PRKAG2: variants seen among roughly 807,000 people sequenced by gnomAD.
PRKAG2 encodes 5'-AMP-activated protein kinase subunit gamma-2.
Under a neutral mutation model 69.6 loss-of-function variants are expected in PRKAG2, and 26 were observed. That is an observed-to-expected ratio of 0.37 (90% CI 0.27 to 0.52). The LOEUF (loss-of-function observed/expected upper bound fraction) is 0.52. Among genes scored for constraint, PRKAG2 ranks in the 20% least tolerant of loss-of-function variants. The probability of loss-of-function intolerance (pLI) is 0.90; values close to 1 mark genes in which losing one functional copy is unlikely to be tolerated. For missense variants in PRKAG2, 557 were observed against 740.0 expected (o/e 0.75, Z 2.87); for synonymous variants, 293 against 285.0 (o/e 1.03, Z -0.28).
chr7:151,587,414 A>G (rs1230668433), intron 6 of PRKAG2, among the ~76,000 whole-genome samples: 2 of 152,122 alleles, frequency 1.3e-5, no homozygotes, highest in South Asian at 2.1e-4. Context: ...GTCACTCCCC[A>G]TGGCTAAGTG....
In PRKAG2 at chr7:151,569,814, A is replaced by C. The variant is rs114864927; in HGVS notation, c.1106+357T>G. 7.5e-3 allele frequency among the ~76,000 whole-genome samples: 1,148 copies of C among 152,294 alleles called. 18 individuals are homozygous for C. Among genetic ancestry groups the C allele is most frequent in the African/African-American group, 0.026 (1,063 of 41,562 alleles). On this transcript the variant is annotated intron_variant, in intron 10 of 15. Transcript: ENST00000287878. The stretch of plus-strand genomic sequence containing the variant: ...CACTGATGTTTAAACGCTAGTGTGG[A>C]GCAGAATTGCCAAGGGAGTTGTTTA...
At chr7:151,558,008 A>G (rs903267498) in intron 15 of PRKAG2, 15 of 985,006 alleles carry the variant, frequency 1.5e-5, no homozygotes, top group African/African-American at 1.7e-5. Flanking sequence ...TTCTCATCAC[A>G]GGAGCTTCTC....
chr7:151,766,803 C>A (rs952042062), intron 3 of PRKAG2, among the ~76,000 whole-genome samples: 1 of 152,234 alleles, frequency 6.6e-6, no homozygotes, highest in African/African-American at 2.4e-5. Flanking sequence ...TCATCTTTCT[C>A]CAACTCTGTC....
chr7:151,779,302 C>A (rs979898483), intron 3 of PRKAG2, among the ~76,000 whole-genome samples: 2 of 152,210 alleles, frequency 1.3e-5, no homozygotes, highest in African/African-American at 4.8e-5. Context: ...GCAGCCTAGG[C>A]CCTGAGGACT....
At chr7:151,709,540 G>A (rs1245941784) in intron 3 of PRKAG2, among the ~76,000 whole-genome samples, 1 of 152,162 alleles carries the variant, frequency 6.6e-6, no homozygotes, top group African/African-American at 2.4e-5. Flanking sequence ...GTGACATGGT[G>A]ACATTGAGTG....
chr7:151,613,805 ATT>A (rs372668253), intron 5 of PRKAG2, among the ~76,000 whole-genome samples: 33,659 of 114,360 alleles, frequency 0.29, 4,093 homozygotes, highest in Middle Eastern at 0.38. Flanking sequence ...AGTCCCAAGC[ATT>A]TTTTTTTTTT....
chr7:151,876,432 G>C (rs2080407078), intron 1 of PRKAG2, 75 bp downstream of exon 1: 1 of 1,432,138 alleles, frequency 7.0e-7, no homozygotes, highest in Non-Finnish European at 9.7e-7. Context: ...GGGGCGTCCA[G>C]CGTTAACCGC....
chr7:151,724,436 T>C (rs968671162), intron 3 of PRKAG2, among the ~76,000 whole-genome samples: 1 of 151,968 alleles, frequency 6.6e-6, no homozygotes, highest in Non-Finnish European at 1.5e-5. Context: ...CCTGCTCCCG[T>C]CCTCCCCTCC....
chr7:151,701,111 T>G (rs1324879850), intron 3 of PRKAG2, among the ~76,000 whole-genome samples: 1 of 152,138 alleles, frequency 6.6e-6, no homozygotes, highest in Non-Finnish European at 1.5e-5. Context: ...CCTCAGGGGC[T>G]GCCCCCCAGG....
At chr7:151,841,093 A>G (rs943623171) in intron 1 of PRKAG2, among the ~76,000 whole-genome samples, 18 of 152,216 alleles carry the variant, frequency 1.2e-4, no homozygotes, top group African/African-American at 3.9e-4. Flanking sequence ...GATTCAAACA[A>G]TTCTCTCACC....
At chr7:151,681,419 A>G (rs6978142) in intron 3 of PRKAG2, among the ~76,000 whole-genome samples, 56,971 of 151,964 alleles carry the variant, frequency 0.37, 10,819 homozygotes, top group African/African-American at 0.41. Flanking sequence ...AAACTTTTAG[A>G]GGAAGGGACA....
At chr7:151,612,153 A>C (rs1819023325) in intron 5 of PRKAG2, among the ~76,000 whole-genome samples, 1 of 152,082 alleles carries the variant, frequency 6.6e-6, no homozygotes, top group Non-Finnish European at 1.5e-5. Context: ...TTGACTTTGG[A>C]CTTACATGCA....
At chr7:151,646,904 T>A (rs1383209698) in intron 4 of PRKAG2, among the ~76,000 whole-genome samples, 1 of 152,224 alleles carries the variant, frequency 6.6e-6, no homozygotes. Flanking sequence ...CTGGAGCGGG[T>A]ACTCATGGCT....
intron 4 of PRKAG2, among the ~76,000 whole-genome samples, chr7:151,671,910 G>C (rs895752864): frequency 6.6e-6 from 1 of 152,138 alleles, no homozygotes; most frequent in South Asian, 2.1e-4. Context: ...GGGAGCCTTG[G>C]GCCATCAGCC....
intron 6 of PRKAG2, among the ~76,000 whole-genome samples, chr7:151,582,834 C>T (rs1810812608): frequency 6.6e-6 from 1 of 152,218 alleles, no homozygotes; most frequent in Admixed American, 6.5e-5. Flanking sequence ...GTCACTTAAC[C>T]CTCTGTGAGC....
In PRKAG2 at chr7:151,781,382, C is replaced by T. The variant is rs549199481; in HGVS notation, c.236G>A (p.Arg79Lys). The change falls in exon 3 of 16, where the codon AGA (arginine) becomes AAA (lysine). Residue 79 changes from arginine (R) to lysine (K), a missense_variant. Physicochemically the swap from Arg to Lys is conservative, Grantham distance 26 (BLOSUM62 2). Transcript: ENST00000287878. This position sits in a 1 kb window ranked among gnomAD's most constrained non-coding sequence, Gnocchi z 6.1. ...PGSPSKGFFS[R>K]GPQPRPSSPM... ...GCTGGAGGGCCGGGGCTGGGGGCCTCTGGAGAAGAACCCTTTGGAGGGGCT... is the reference window on the plus strand; with the variant it reads ...GCTGGAGGGCCGGGGCTGGGGGCCTTTGGAGAAGAACCCTTTGGAGGGGCT... 1 of 1,612,556 alleles carries T rather than the reference C, an allele frequency of 6.2e-7. No individual in the cohort carries two copies. The highest frequency in any genetic ancestry group is 1.7e-5 in the Admixed American group (1 of 59,842).
At chr7:151,724,600 G>A (rs1258587999) in intron 3 of PRKAG2, among the ~76,000 whole-genome samples, 1 of 152,094 alleles carries the variant, frequency 6.6e-6, no homozygotes, top group African/African-American at 2.4e-5. Flanking sequence ...GCCCTCCCAG[G>A]CGCTCCCTCC....
At chr7:151,763,673 C>T (rs2075563686) in intron 3 of PRKAG2, among the ~76,000 whole-genome samples, 1 of 152,244 alleles carries the variant, frequency 6.6e-6, no homozygotes, top group Non-Finnish European at 1.5e-5. Context: ...TCTTGAGGGA[C>T]TCTTCTGGGC....
rs117477584 is a variant in PRKAG2 at position 151,700,231 on chromosome 7, C to T, written c.467-24594G>A. Among the ~76,000 whole-genome samples the T allele has an allele frequency of 2.9e-3, 442 of 152,234 alleles. 3 individuals are homozygous for T. The highest frequency in any genetic ancestry group is 5.0e-3 in the Non-Finnish European group (339 of 68,020). On this transcript the variant is annotated intron_variant, in intron 3 of 15. Transcript: ENST00000287878. ...GAAAAGAAAGAGGCGTATTATACGC[C>T]GGGCTGTGTTCTGGGTGCTGGGGAC...
Sources: allele counts gnomAD v4.1 joint callset (sites outside exome capture counted in the v4.1 genomes callset), GRCh38; gene constraint gnomAD v4.1.1; non-coding constraint Gnocchi (gnomAD v3.1); transcripts MANE v1.5; gene names NCBI Gene and HGNC (gene_info 2026-07-23, HGNC 2026-07-21).